The following RPS6KA2 variants were observed in gnomAD, a reference collection of about 807,000 sequenced individuals.
The protein encoded by RPS6KA2 is ribosomal protein S6 kinase alpha-2.
In RPS6KA2, 42 loss-of-function variants were observed where a neutral mutation model predicts 91.8. The observed-to-expected ratio is 0.46, with a 90% CI of 0.36 to 0.59. The LOEUF is 0.59. Among genes scored for constraint, RPS6KA2 ranks in the 20% least tolerant of loss-of-function variants. The pLI is 0.00. For missense variants in RPS6KA2, 798 were observed against 978.5 expected (o/e 0.82, Z 2.46); for synonymous variants, 414 against 393.6 (o/e 1.05, Z -0.61).
chr6:166,520,051 G>C (rs1782799207), intron 3 of RPS6KA2, among the ~76,000 whole-genome samples: 1 of 152,108 alleles, frequency 6.6e-6, no homozygotes, highest in South Asian at 2.1e-4. Flanking sequence ...GGCCAGAATA[G>C]AACAAAAAAG....
At chr6:166,860,610 C>T (rs1781024604) in intron 1 of RPS6KA2, among the ~76,000 whole-genome samples, 1 of 152,198 alleles carries the variant, frequency 6.6e-6, no homozygotes, top group African/African-American at 2.4e-5. Flanking sequence ...CCCCTCTCTC[C>T]CATCCTTTCT....
At chr6:166,756,205 G>C (rs544566450) in intron 2 of RPS6KA2, among the ~76,000 whole-genome samples, 5 of 152,136 alleles carry the variant, frequency 3.3e-5, no homozygotes, top group African/African-American at 1.2e-4. Context: ...CAGGAGAATG[G>C]CGTGAACCCA....
intron 2 of RPS6KA2, among the ~76,000 whole-genome samples, chr6:166,714,334 C>T (rs547802170): frequency 5.5e-4 from 83 of 152,272 alleles, no homozygotes; most frequent in Non-Finnish European, 9.6e-4. Flanking sequence ...GCTCTTGTTT[C>T]GGGTCCTGGG....
intron 2 of RPS6KA2, among the ~76,000 whole-genome samples, chr6:166,723,699 C>CTTTTTTTTTTTTTTTTTTTTTTT (rs10637819): frequency 6.8e-6 from 1 of 146,226 alleles, no homozygotes; most frequent in African/African-American, 2.7e-5. Context: ...TTTTTCTTTT[C>CTTTTTTTTTTTTTTTTTTTTTTT]TTTTCTTTTT....
intron 2 of RPS6KA2, among the ~76,000 whole-genome samples, chr6:166,801,051 G>T (rs1342626788): frequency 6.6e-6 from 1 of 152,180 alleles, no homozygotes; most frequent in African/African-American, 2.4e-5. Flanking sequence ...ATGGAAATAA[G>T]AAGACAAAGA....
chr6:166,572,662 G>C (rs932502398), intron 1 of RPS6KA2, among the ~76,000 whole-genome samples: 2 of 152,218 alleles, frequency 1.3e-5, no homozygotes, highest in African/African-American at 4.8e-5. Context: ...CTGGGGATAG[G>C]GGACCAGGGT....
chr6:166,564,562 T>G (rs1214010124), intron 1 of RPS6KA2, among the ~76,000 whole-genome samples: 1 of 152,244 alleles, frequency 6.6e-6, no homozygotes, highest in Non-Finnish European at 1.5e-5. Context: ...ACAATGACAG[T>G]TGACAGATTT....
intron 11 of RPS6KA2, among the ~76,000 whole-genome samples, chr6:166,462,626 C>A (rs1780360200): frequency 6.6e-6 from 1 of 152,194 alleles, no homozygotes; most frequent in South Asian, 2.1e-4. Context: ...TGTGCCTAGC[C>A]CGGTGCTGCG....
chr6:166,547,084 A>C (rs1429998279), intron 1 of RPS6KA2, among the ~76,000 whole-genome samples: 1 of 151,988 alleles, frequency 6.6e-6, no homozygotes, highest in Non-Finnish European at 1.5e-5. Flanking sequence ...AAGTAGACAA[A>C]ATTAGTTTCT....
At chr6:166,704,457 A>G (rs1006576081) in intron 2 of RPS6KA2, among the ~76,000 whole-genome samples, 15 of 152,234 alleles carry the variant, frequency 9.9e-5, no homozygotes, top group Non-Finnish European at 8.8e-5. Context: ...AGATAATATA[A>G]AAGTTGCATT....
At chr6:166,429,584 G>A (rs1020999429) in intron 16 of RPS6KA2, among the ~76,000 whole-genome samples, 1 of 152,036 alleles carries the variant, frequency 6.6e-6, no homozygotes, top group African/African-American at 2.4e-5. Flanking sequence ...CTGAGTAGCT[G>A]GGATTACAGG....
intron 3 of RPS6KA2, among the ~76,000 whole-genome samples, chr6:166,514,835 C>A (rs1360834587): frequency 1.3e-5 from 2 of 152,164 alleles, no homozygotes; most frequent in Non-Finnish European, 2.9e-5. Flanking sequence ...AAGGGAGCTG[C>A]ATCATCCTAG....
At position 166,790,468 on chromosome 6, in the gene RPS6KA2, A is replaced by G. The variant is rs532567735; in HGVS notation, c.123+67732T>C. Among the ~76,000 whole-genome samples, 474 of 152,288 alleles carry G rather than the reference A, an allele frequency of 3.1e-3. 1 individual carries two copies. The highest frequency in any genetic ancestry group is 4.0e-3 in the Non-Finnish European group (274 of 68,022). ...GATATTATCCAGGAGAACTTCCCCA[A>G]TCTAGCAAGGCAGGCCAACATTCAG... On this transcript the variant is annotated intron_variant, in intron 2 of 21. Coordinates refer to the RPS6KA2 transcript ENST00000503859.
At chr6:166,818,264 G>A (rs1779821289) in intron 2 of RPS6KA2, among the ~76,000 whole-genome samples, 2 of 152,084 alleles carry the variant, frequency 1.3e-5, no homozygotes, top group East Asian at 1.9e-4. Flanking sequence ...GCTGCATTTC[G>A]TTGTGATGTC....
At chr6:166,846,862 C>A (rs1007026279) in intron 2 of RPS6KA2, among the ~76,000 whole-genome samples, 1 of 152,100 alleles carries the variant, frequency 6.6e-6, no homozygotes, top group Admixed American at 6.5e-5. Context: ...CTAGCCAGAA[C>A]AATCACACAA....
intron 1 of RPS6KA2, among the ~76,000 whole-genome samples, chr6:166,593,003 T>C (rs2128522112): frequency 6.6e-6 from 1 of 152,272 alleles, no homozygotes. Flanking sequence ...TGTTAGTCAC[T>C]CAAGACCTCA....
chr6:166,762,966 T>C (rs748327654), intron 2 of RPS6KA2, among the ~76,000 whole-genome samples: 2 of 152,352 alleles, frequency 1.3e-5, no homozygotes, highest in Middle Eastern at 3.4e-3. Context: ...TTGGAAGGCA[T>C]TGATGGTTTC....
intron 2 of RPS6KA2, among the ~76,000 whole-genome samples, chr6:166,700,069 C>T (rs542310374): frequency 4.6e-5 from 7 of 152,364 alleles, no homozygotes; most frequent in African/African-American, 1.7e-4. Flanking sequence ...AGTCCTGCAT[C>T]TCTTCATTGA....
In RPS6KA2 at chr6:166,437,489, C is replaced by A. The variant is rs1219748051; in HGVS notation, c.1333-4999G>T. Among the ~76,000 whole-genome samples, 1 of 152,172 alleles carries A rather than the reference C, an allele frequency of 6.6e-6. No homozygotes were observed. Among genetic ancestry groups the A allele is most frequent in the East Asian group, 1.9e-4 (1 of 5,196 alleles). ...TGGGGCGGGGGACAAGCTCGCTCAG[C>A]TTTCTTTTTCTCATCTGGCAACAGC... On this transcript the variant is annotated intron_variant, in intron 14 of 20. Coordinates refer to ENST00000265678, the MANE Select transcript of RPS6KA2 (RefSeq NM_021135.6). The surrounding 1 kb of genome is among the most constrained non-coding windows in gnomAD (Gnocchi z 4.3).
Sources: gnomAD v4.1 joint callset for allele counts (sites outside exome capture counted in the v4.1 genomes callset) on GRCh38, gnomAD v4.1.1 for gene constraint, Gnocchi (gnomAD v3.1) non-coding constraint, MANE v1.5 for transcripts, NCBI Gene and HGNC (gene_info 2026-07-23, HGNC 2026-07-21) for gene names.